The following WWP1 variants were observed in gnomAD, a reference collection of about 807,000 sequenced individuals.
WWP1 encodes the protein NEDD4-like E3 ubiquitin-protein ligase WWP1.
In WWP1, 49 loss-of-function variants were observed where a neutral mutation model predicts 130.6. That is an observed-to-expected ratio of 0.38 (90% confidence interval 0.30 to 0.48). The LOEUF is 0.48. Ranked by LOEUF, WWP1 falls within the 20% of genes least tolerant of loss-of-function variation. The probability of loss-of-function intolerance (pLI) is 0.99; values close to 1 mark genes in which losing one functional copy is unlikely to be tolerated. For synonymous variants in WWP1, 332 were observed against 367.8 expected, an observed-to-expected ratio of 0.90 and a Z score of 1.11; for missense variants, 809 against 1,100.6, an observed-to-expected ratio of 0.74 and a Z score of 3.75.
chr8:86,361,295 A>G (rs73688824), intron 1 of WWP1, among the ~76,000 whole-genome samples: 22,342 of 152,100 alleles, frequency 0.15, 1,792 homozygotes, highest in Non-Finnish European at 0.19. Flanking sequence ...ACATATTAAC[A>G]TATCCCCTTC....
intron 5 of WWP1, among the ~76,000 whole-genome samples, chr8:86,395,070 G>A (rs1297048930): frequency 6.6e-6 from 1 of 152,026 alleles, no homozygotes; most frequent in African/African-American, 2.4e-5. Flanking sequence ...GCCAGAGAAG[G>A]GAGCTGAGCT....
chr8:86,422,601 G>C (rs947188240), intron 9 of WWP1, among the ~76,000 whole-genome samples: 3 of 151,838 alleles, frequency 2.0e-5, no homozygotes, highest in Admixed American at 1.3e-4. Flanking sequence ...TTGAGCTCCT[G>C]ACCTCAGGTG....
intron 1 of WWP1, among the ~76,000 whole-genome samples, chr8:86,364,919 C>T (rs1823883490): frequency 6.6e-6 from 1 of 151,628 alleles, no homozygotes; most frequent in African/African-American, 2.4e-5. Context: ...ATTAAAAATA[C>T]AATTGAGTAG....
chr8:86,370,855 CTTTTTTTTT>C (rs555585296), intron 2 of WWP1, among the ~76,000 whole-genome samples: 6 of 44,858 alleles, frequency 1.3e-4, no homozygotes, highest in Admixed American at 6.3e-4. Context: ...TATATTCATT[CTTTTTTTTT>C]TTTTTTTTTT....
intron 5 of WWP1, among the ~76,000 whole-genome samples, chr8:86,388,509 T>C (rs936506189): frequency 5.9e-5 from 9 of 152,194 alleles, no homozygotes; most frequent in Non-Finnish European, 1.2e-4. Context: ...CTGCCATTTG[T>C]CTTTTATGTT....
intron 1 of WWP1, among the ~76,000 whole-genome samples, chr8:86,354,440 T>G (rs984620367): frequency 6.8e-5 from 10 of 147,590 alleles, no homozygotes; most frequent in Admixed American, 2.7e-4. Context: ...GAACTTTCAG[T>G]TTTTTTTTTA....
intron 18 of WWP1, among the ~76,000 whole-genome samples, chr8:86,443,916 G>A (rs921476402): frequency 2.6e-5 from 4 of 152,194 alleles, no homozygotes; most frequent in Non-Finnish European, 4.4e-5. Context: ...AGATGAGATT[G>A]AGAGATGCTG....
rs992958087 is a variant in WWP1 at position 86,413,289 on chromosome 8, G to A, written c.1061+1415G>A. 3.3e-5 allele frequency among the ~76,000 whole-genome samples: 5 copies of A among 152,040 alleles called. 1 individual carries two copies. The highest frequency in any genetic ancestry group is 7.4e-5 in the Non-Finnish European group (5 of 68,026). Reference sequence around the variant, plus strand: ...TCTCTTGTCCTGTGTCCCATGTTTGGTAAATTAGTCAATTATCCTAGTCTC... The same window carrying A: ...TCTCTTGTCCTGTGTCCCATGTTTGATAAATTAGTCAATTATCCTAGTCTC... On this transcript the variant is annotated intron_variant, in intron 9 of 24. Coordinates refer to ENST00000517970, the MANE Select transcript of WWP1 (RefSeq NM_007013.4).
chr8:86,464,360 A>AT (rs527319182), intron 24 of WWP1, among the ~76,000 whole-genome samples: 74 of 151,940 alleles, frequency 4.9e-4, no homozygotes, highest in Middle Eastern at 6.8e-3. Context: ...TCTTTCCACT[A>AT]TTTTTTTTGG....
chr8:86,451,435 G>A (rs1811175076), intron 20 of WWP1, among the ~76,000 whole-genome samples: 1 of 152,004 alleles, frequency 6.6e-6, no homozygotes, highest in African/African-American at 2.4e-5. Context: ...GTGAGAAAAT[G>A]AAAACACTGA....
chr8:86,460,922 G>T (rs1410882883), intron 22 of WWP1, among the ~76,000 whole-genome samples: 7 of 143,716 alleles, frequency 4.9e-5, no homozygotes, highest in Non-Finnish European at 4.5e-5. Flanking sequence ...CCATTCTCCT[G>T]CCTCAGCCTC....
At chr8:86,378,397 T>G (rs1563479465) in intron 3 of WWP1, among the ~76,000 whole-genome samples, 1 of 152,272 alleles carries the variant, frequency 6.6e-6, no homozygotes, top group Admixed American at 6.5e-5. Context: ...TACTTATTTC[T>G]TAAGTTTATT....
intron 8 of WWP1, among the ~76,000 whole-genome samples, chr8:86,407,386 T>C (rs1665058671): frequency 1.3e-5 from 2 of 152,202 alleles, no homozygotes; most frequent in South Asian, 2.1e-4. Context: ...ATTTCAGCAC[T>C]GTTGACATAT....
chr8:86,409,951 A>G (rs1808496295), intron 8 of WWP1, among the ~76,000 whole-genome samples: 1 of 152,188 alleles, frequency 6.6e-6, no homozygotes, highest in Non-Finnish European at 1.5e-5. Flanking sequence ...TTAATTTTTC[A>G]TGATTCTTCT....
intron 1 of WWP1, among the ~76,000 whole-genome samples, chr8:86,368,108 A>G (rs967489344): frequency 3.3e-5 from 5 of 152,270 alleles, no homozygotes; most frequent in African/African-American, 9.6e-5. Context: ...TCCTTCTCCC[A>G]CAATAAAAAC....
At chr8:86,459,739 A>C (rs1811657199) in intron 22 of WWP1, among the ~76,000 whole-genome samples, 1 of 152,244 alleles carries the variant, frequency 6.6e-6, no homozygotes, top group Non-Finnish European at 1.5e-5. Context: ...CAGGCTTTTT[A>C]CTAGCTTCAT....
At position 86,398,616 on chromosome 8, in the gene WWP1, C is replaced by T. The variant is rs1393435626; in HGVS notation, c.517C>T (p.Pro173Ser). The T allele has an allele frequency of 6.2e-7, 1 of 1,612,332 alleles. No homozygotes were observed. Among genetic ancestry groups the T allele is most frequent in the South Asian group, 1.1e-5 (1 of 90,938 alleles). The change falls in exon 7 of 25, where the codon CCT (proline) becomes TCT (serine). Residue 173 changes from proline to serine, a missense_variant. Transcript: ENST00000517970. ...NGDALHENGE[P>S]SARTTARLAV... Reference sequence around the variant, plus strand: ...TGATGCCTTACATGAAAATGGAGAGCCTTCAGCAAGGACAACTGCCAGGTA... The same window carrying T: ...TGATGCCTTACATGAAAATGGAGAGTCTTCAGCAAGGACAACTGCCAGGTA...
intron 21 of WWP1, among the ~76,000 whole-genome samples, chr8:86,457,429 G>GTCTATCTA (rs768730517): frequency 2.4e-5 from 1 of 42,548 alleles, no homozygotes; most frequent in African/African-American, 1.2e-4. Flanking sequence ...CTGTCTGTCT[G>GTCTATCTA]TCTATCTATC....
rs555585296 is a variant in WWP1 at position 86,370,855 on chromosome 8, C to CTTTTTTTTT, written c.-22+1844_-22+1852dup. Among the ~76,000 whole-genome samples, 158 of 44,888 alleles carry CTTTTTTTTT rather than the reference C, an allele frequency of 3.5e-3. 41 individuals are homozygous for CTTTTTTTTT. The highest frequency in any genetic ancestry group is 6.9e-3 in the African/African-American group (67 of 9,654). The allele number at this position is 44,888 out of a possible 152,430, so 29.4% of individuals were successfully genotyped here. A position where few individuals can be genotyped will look rare whatever the true frequency, so the allele number is the denominator to read the frequency against. On this transcript the variant is annotated intron_variant, in intron 2 of 24. Coordinates refer to ENST00000517970, the MANE Select transcript of WWP1 (RefSeq NM_007013.4). ...GGTATTGCTTATAGCTATATTCATT[C>CTTTTTTTTT]TTTTTTTTTTTTTTTTTTTTTTTTT...
Sources: gnomAD v4.1 joint callset for allele counts (sites outside exome capture counted in the v4.1 genomes callset) on GRCh38, gnomAD v4.1.1 for gene constraint, MANE v1.5 for transcripts, NCBI Gene and HGNC (gene_info 2026-07-23, HGNC 2026-07-21) for gene names.